DCLK2: variants seen among roughly 807,000 people sequenced by gnomAD.
The protein encoded by DCLK2 is serine/threonine-protein kinase DCLK2.
Under a neutral mutation model 78.4 loss-of-function variants are expected in DCLK2, and 31 were observed. That is an observed-to-expected ratio of 0.40 (90% CI 0.30 to 0.53). The LOEUF is 0.53. DCLK2 is among the 20% of genes least tolerant of loss of function. DCLK2 has a pLI of 0.61. For synonymous variants in DCLK2, 407 were observed against 374.9 expected (o/e 1.09, Z -0.99); for missense variants, 872 against 973.7 (o/e 0.90, Z 1.39).
intron 15 of DCLK2, among the ~76,000 whole-genome samples, chr4:150,250,833 G>A (rs1263217357): frequency 3.4e-5 from 5 of 147,260 alleles, no homozygotes; most frequent in African/African-American, 5.1e-5. Context: ...AAGCTATAAG[G>A]AAGCCACACA....
At chr4:150,119,375 T>C (rs1732355625) in intron 2 of DCLK2, among the ~76,000 whole-genome samples, 1 of 152,154 alleles carries the variant, frequency 6.6e-6, no homozygotes, top group East Asian at 1.9e-4. Context: ...TTCCCAGAGG[T>C]AGGTTACTTG....
chr4:150,098,223 G>C (rs1730604313), intron 1 of DCLK2, among the ~76,000 whole-genome samples: 1 of 152,056 alleles, frequency 6.6e-6, no homozygotes, highest in Admixed American at 6.6e-5. Flanking sequence ...AAAAACTACG[G>C]TGGTAAAGAA....
intron 5 of DCLK2, among the ~76,000 whole-genome samples, chr4:150,220,186 C>T (rs1741076676): frequency 6.6e-6 from 1 of 152,174 alleles, no homozygotes; most frequent in South Asian, 2.1e-4. Context: ...TTTAAACATT[C>T]TGCCATAGAG....
intron 15 of DCLK2, chr4:150,253,882 G>T: frequency 1.0e-6 from 1 of 985,424 alleles, no homozygotes; most frequent in Non-Finnish European, 1.2e-6. Context: ...TGGTGCCTTC[G>T]TGAAGGCTTT....
At chr4:150,180,015 G>A (rs2150279829) in intron 2 of DCLK2, among the ~76,000 whole-genome samples, 1 of 152,276 alleles carries the variant, frequency 6.6e-6, no homozygotes, top group South Asian at 2.1e-4. Context: ...AAAGTAAGAT[G>A]TAGAAAAATG....
chr4:150,081,682 T>C (rs959253982), intron 1 of DCLK2, among the ~76,000 whole-genome samples: 1 of 152,000 alleles, frequency 6.6e-6, no homozygotes, highest in African/African-American at 2.4e-5. Flanking sequence ...GAATACTCCA[T>C]AGCAATGCAA....
At chr4:150,160,052 T>C (rs1490629006) in intron 2 of DCLK2, among the ~76,000 whole-genome samples, 1 of 151,886 alleles carries the variant, frequency 6.6e-6, no homozygotes, top group Admixed American at 6.6e-5. Flanking sequence ...TCTTAGTCTG[T>C]CGTCCAGGGT....
intron 10 of DCLK2, among the ~76,000 whole-genome samples, chr4:150,233,605 A>G (rs1036745792): frequency 6.6e-6 from 1 of 152,198 alleles, no homozygotes; most frequent in Non-Finnish European, 1.5e-5. Context: ...CAGCTTTACT[A>G]AAGGCATGGA....
At chr4:150,182,957 G>T (rs1014109016) in intron 2 of DCLK2, among the ~76,000 whole-genome samples, 1 of 151,844 alleles carries the variant, frequency 6.6e-6, no homozygotes, top group African/African-American at 2.4e-5. Context: ...AGGGATTTTT[G>T]TTCTCTCTCT....
At chr4:150,189,410 C>T (rs1366289069) in intron 2 of DCLK2, among the ~76,000 whole-genome samples, 1 of 152,106 alleles carries the variant, frequency 6.6e-6, no homozygotes, top group Non-Finnish European at 1.5e-5. Flanking sequence ...AGAAAGAGGA[C>T]CTGTGGGATT....
In DCLK2 at chr4:150,078,918, C is replaced by A; in HGVS notation, c.-110C>A. On this transcript the variant is annotated 5_prime_UTR_variant, in exon 1 of 16. Transcript: ENST00000296550. Reference sequence around the variant, plus strand: ...CGCGGAGAGGGCGGGATGCCAGAGCCAGGTGTCCCGGCGCGTTAAGGGCCC... The same window carrying A: ...CGCGGAGAGGGCGGGATGCCAGAGCAAGGTGTCCCGGCGCGTTAAGGGCCC... 1 of 1,342,058 alleles carries A rather than the reference C, an allele frequency of 7.5e-7. No individual in the cohort carries two copies. The highest frequency in any genetic ancestry group is 1.5e-5 in the African/African-American group (1 of 64,966). The allele number at this position is 1,342,058 out of a possible 1,614,324, so 83.1% of individuals were successfully genotyped here. A position where few individuals can be genotyped will look rare whatever the true frequency, so the allele number is the denominator to read the frequency against.
chr4:150,254,110 G>A (rs550450683), intron 15 of DCLK2, among the ~76,000 whole-genome samples: 6 of 152,294 alleles, frequency 3.9e-5, no homozygotes, highest in African/African-American at 7.2e-5. Context: ...CATGTACCCC[G>A]GGGGGCTCGC....
intron 2 of DCLK2, among the ~76,000 whole-genome samples, chr4:150,108,977 A>G (rs1330661862): frequency 6.6e-6 from 1 of 152,164 alleles, no homozygotes. Flanking sequence ...TTTGGGGAAC[A>G]TGGCAACTCC....
chr4:150,252,598 C>T (rs554218073), intron 15 of DCLK2, among the ~76,000 whole-genome samples: 3 of 152,318 alleles, frequency 2.0e-5, no homozygotes, highest in Non-Finnish European at 2.9e-5. Context: ...GCTTAGACCC[C>T]CTCAGACAGA....
At chr4:150,098,895 C>A (rs537860436) in intron 1 of DCLK2, among the ~76,000 whole-genome samples, 1 of 151,948 alleles carries the variant, frequency 6.6e-6, no homozygotes, top group South Asian at 2.1e-4. Flanking sequence ...GGAGTTTCAC[C>A]GTGTTGGCCA....
chr4:150,255,869 C>T (rs1279854040), intron 15 of DCLK2, 151 bp from the exon 16 acceptor site: 4 of 1,361,490 alleles, frequency 2.9e-6, no homozygotes, highest in Non-Finnish European at 3.9e-6. Flanking sequence ...GAAACCATTA[C>T]TCTCCTGTGA....
At chr4:150,113,761 T>C (rs1353299569) in intron 2 of DCLK2, among the ~76,000 whole-genome samples, 1 of 152,050 alleles carries the variant, frequency 6.6e-6, no homozygotes. Context: ...AGTTTTGCTC[T>C]GATCTTTATT....
At chr4:150,146,069 G>A (rs926416635) in intron 2 of DCLK2, among the ~76,000 whole-genome samples, 25 of 152,132 alleles carry the variant, frequency 1.6e-4, no homozygotes, top group Non-Finnish European at 2.9e-4. Context: ...TTAAGTGCTG[G>A]AGGCCATCTG....
intron 8 of DCLK2, among the ~76,000 whole-genome samples, chr4:150,225,005 C>G (rs1741491105): frequency 6.6e-6 from 1 of 152,178 alleles, no homozygotes; most frequent in Non-Finnish European, 1.5e-5. Flanking sequence ...CCCCTTAACT[C>G]CCAAGTCCCA....
Sources: allele counts gnomAD v4.1 joint callset (sites outside exome capture counted in the v4.1 genomes callset), GRCh38; gene constraint gnomAD v4.1.1; transcripts MANE v1.5; gene names NCBI Gene and HGNC (gene_info 2026-07-23, HGNC 2026-07-21).